MYLK: variants seen among roughly 807,000 people sequenced by gnomAD.
The protein encoded by MYLK is myosin light chain kinase, smooth muscle.
A neutral mutation model predicts 203.4 loss-of-function variants in MYLK; 106 were observed. That is an observed-to-expected ratio of 0.52 (90% confidence interval 0.45 to 0.61). The LOEUF (loss-of-function observed/expected upper bound fraction) is 0.61. Among genes scored for constraint, MYLK ranks in the 20% least tolerant of loss-of-function variants. The pLI, the probability that MYLK is intolerant of heterozygous loss-of-function variation, is 0.00. For synonymous variants in MYLK, 867 were observed against 959.5 expected (o/e 0.90, Z 1.78); for missense variants, 2,072 against 2,442.3 (o/e 0.85, Z 3.20).
rs927648207 is a variant in MYLK at position 123,737,695 on chromosome 3, A to G, written c.589-152T>C. 1.3e-5 allele frequency: 13 copies of G among 997,088 alleles called. No individual in the cohort carries two copies. In the African/African-American group the frequency reaches 2.1e-4, roughly 16 times the overall value. 61.8% of individuals were successfully genotyped at this position (997,088 alleles called of 1,614,324 possible). ...CCCTGTCAATGTGCTCAGAGAGCCAACTTTAAACAGTTCAGGGGCCCTGAC... is the reference window on the plus strand; with the variant it reads ...CCCTGTCAATGTGCTCAGAGAGCCAGCTTTAAACAGTTCAGGGGCCCTGAC... On this transcript the variant is annotated intron_variant, in intron 7 of 33. Coordinates refer to ENST00000360304, the MANE Select transcript of MYLK (RefSeq NM_053025.4).
intron 20 of MYLK, among the ~76,000 whole-genome samples, chr3:123,676,617 T>C (rs577447810): frequency 1.5e-4 from 23 of 152,336 alleles, no homozygotes; most frequent in African/African-American, 5.3e-4. Flanking sequence ...AAGTGACTGA[T>C]GTCAGAGGTG....
rs150599670 is a variant in MYLK, at chr3:123,794,682, G to C, written c.-3-838C>G. On this transcript the variant is annotated intron_variant, in intron 3 of 33. Coordinates refer to ENST00000360304, the MANE Select transcript of MYLK (RefSeq NM_053025.4). ...GGGCTGGCAAGGGTAGCAGAACAAGGGGCTGACATGAGAAGTAACAGACGA... is the reference window on the plus strand; with the variant it reads ...GGGCTGGCAAGGGTAGCAGAACAAGCGGCTGACATGAGAAGTAACAGACGA... 3.9e-5 allele frequency among the ~76,000 whole-genome samples: 6 copies of C among 152,226 alleles called. No individual in the cohort carries two copies. In the East Asian group the frequency reaches 1.2e-3, roughly 29 times the overall value.
chr3:123,806,482 A>G (rs2065370833), intron 3 of MYLK, among the ~76,000 whole-genome samples: 1 of 152,176 alleles, frequency 6.6e-6, no homozygotes, highest in Non-Finnish European at 1.5e-5. Flanking sequence ...ATGTTGAAAA[A>G]TAGTCATTAC....
chr3:123,748,499 C>T (rs755195494), intron 5 of MYLK, among the ~76,000 whole-genome samples: 1 of 152,186 alleles, frequency 6.6e-6, no homozygotes, highest in Non-Finnish European at 1.5e-5. Flanking sequence ...AAAAGAGTAG[C>T]TGTTAGCCAC....
intron 23 of MYLK, chr3:123,659,612 C>G (rs2059499797): frequency 6.0e-6 from 3 of 499,174 alleles, no homozygotes; most frequent in African/African-American, 3.9e-5. Flanking sequence ...GAGCTGTGGG[C>G]TGCACCTAAT....
intron 4 of MYLK, among the ~76,000 whole-genome samples, chr3:123,787,348 G>C (rs1257849693): frequency 6.6e-6 from 1 of 152,164 alleles, no homozygotes; most frequent in Non-Finnish European, 1.5e-5. Context: ...TGCGGAATGA[G>C]GGCTCTGAAG....
At chr3:123,704,806 G>C (rs2108615363) in intron 16 of MYLK, among the ~76,000 whole-genome samples, 1 of 151,262 alleles carries the variant, frequency 6.6e-6, no homozygotes, top group East Asian at 2.0e-4. Flanking sequence ...TGTAGTCCCA[G>C]CTACTCAGGA....
chr3:123,742,259 G>A lies in MYLK; in HGVS notation c.374-2258C>T, dbSNP rs368875169. On this transcript the variant is annotated intron_variant, in intron 5 of 33. Coordinates refer to ENST00000360304, the MANE Select transcript of MYLK (RefSeq NM_053025.4). The stretch of plus-strand genomic sequence containing the variant: ...TCTTATTCACTCATCAGATGTATCC[G>A]GAACAAATCCCAGCACATTGTAGGT... Among the ~76,000 whole-genome samples the A allele has an allele frequency of 5.9e-5, 9 of 151,940 alleles. No individual in the cohort carries two copies. The South Asian group carries it at 6.2e-4, about 11-fold the overall frequency.
intron 13 of MYLK, among the ~76,000 whole-genome samples, chr3:123,712,148 G>A (rs1231857947): frequency 6.6e-5 from 10 of 152,214 alleles, no homozygotes; most frequent in South Asian, 2.1e-4. Context: ...ACTCAGCACC[G>A]CAGCCTTCGA....
At chr3:123,641,772 TC>T (rs2058843897) in intron 27 of MYLK, among the ~76,000 whole-genome samples, 1 of 106,608 alleles carries the variant, frequency 9.4e-6, no homozygotes, top group East Asian at 3.3e-4. Flanking sequence ...CCTCCCTCCC[TC>T]TCTTCCCTCC....
chr3:123,836,889 T>C (rs115897639), intron 2 of MYLK, among the ~76,000 whole-genome samples: 24 of 152,256 alleles, frequency 1.6e-4, no homozygotes, highest in African/African-American at 4.8e-4. Context: ...CTAATAACTA[T>C]AAATTACAAA....
intron 2 of MYLK, among the ~76,000 whole-genome samples, chr3:123,859,630 T>C (rs1225730539): frequency 6.6e-6 from 1 of 152,236 alleles, no homozygotes; most frequent in South Asian, 2.1e-4. Context: ...ACTGTCCATA[T>C]ACCACTATCA....
intron 2 of MYLK, among the ~76,000 whole-genome samples, chr3:123,864,069 G>A (rs755401641): frequency 8.5e-5 from 13 of 152,098 alleles, no homozygotes; most frequent in Non-Finnish European, 1.6e-4. Flanking sequence ...TCAAAAACAG[G>A]CCAAATGAAA....
chr3:123,790,996 T>C (rs1312644828), intron 4 of MYLK, among the ~76,000 whole-genome samples: 1 of 152,138 alleles, frequency 6.6e-6, no homozygotes, highest in African/African-American at 2.4e-5. Flanking sequence ...AGTTAGTCAC[T>C]CATAAGAGGT....
intron 2 of MYLK, among the ~76,000 whole-genome samples, chr3:123,866,528 C>A (rs1470294562): frequency 6.6e-6 from 1 of 151,990 alleles, no homozygotes; most frequent in Non-Finnish European, 1.5e-5. Flanking sequence ...AAATGTAAAC[C>A]ATGTTGGATA....
intron 3 of MYLK, among the ~76,000 whole-genome samples, chr3:123,823,056 A>T: frequency 6.6e-6 from 1 of 152,196 alleles, no homozygotes; most frequent in East Asian, 1.9e-4. Flanking sequence ...CTTGTGTGAT[A>T]ATGGGTTTAA....
rs764232753 is a variant in MYLK at position 123,737,370 on chromosome 3, G to A, written c.754+8C>T. 6.2e-7 allele frequency: 1 copy of A among 1,614,116 alleles called. No homozygotes were observed. The highest frequency in any genetic ancestry group is 1.3e-5 in the African/African-American group (1 of 75,028). On this transcript the variant is annotated splice_region_variant and intron_variant, in intron 8 of 33. Coordinates refer to ENST00000360304, the MANE Select transcript of MYLK (RefSeq NM_053025.4). ...ATCGTTCTGCACTAGCCGTCCACTG[G>A]TCGATACCTTGGATGGAAAGTTCAG... is the stretch of plus-strand genomic sequence containing the variant.
rs3085274 is a variant in MYLK, at chr3:123,713,579, ATGTGTGTGTGTGTGTGTGTGTGTGTG to A, written c.1805-3712_1805-3687del. On this transcript the variant is annotated intron_variant, in intron 13 of 33. Transcript: ENST00000360304. Reference sequence around the variant, plus strand: ...CAAGCCAGGTGAAAAGAGCAACACAATGTGTGTGTGTGTGTGTGTGTGTGTGTGTGTGTGTGTGTGTGTGTGTGTGT... The same window carrying A: ...CAAGCCAGGTGAAAAGAGCAACACAATGTGTGTGTGTGTGTGTGTGTGTGT... Among the ~76,000 whole-genome samples, 35 of 136,476 alleles carry A rather than the reference ATGTGTGTGTGTGTGTGTGTGTGTGTG, an allele frequency of 2.6e-4. No individual in the cohort carries two copies. In the East Asian group the frequency reaches 5.1e-3, roughly 20 times the overall value. The allele number at this position is 136,476 out of a possible 152,430, so 89.5% of individuals were successfully genotyped here.
chr3:123,864,934 C>T (rs990968842), intron 2 of MYLK, among the ~76,000 whole-genome samples: 2 of 152,034 alleles, frequency 1.3e-5, no homozygotes, highest in African/African-American at 2.4e-5. Flanking sequence ...TTTTTGTCAC[C>T]TCTCACATGG....
Sources: gnomAD v4.1 joint callset for allele counts (sites outside exome capture counted in the v4.1 genomes callset) on GRCh38, gnomAD v4.1.1 for gene constraint, MANE v1.5 for transcripts, NCBI Gene and HGNC (gene_info 2026-07-23, HGNC 2026-07-21) for gene names.